CNTNAP2: variants seen among roughly 807,000 people sequenced by gnomAD.
CNTNAP2 encodes contactin-associated protein-like 2.
CNTNAP2 carries 98 observed loss-of-function variants against 155.2 expected under a neutral mutation model. The observed-to-expected ratio is 0.63, with a 90% confidence interval of 0.54 to 0.75. The LOEUF (loss-of-function observed/expected upper bound fraction) is 0.75. Among genes scored for constraint, CNTNAP2 ranks in the 30% least tolerant of loss-of-function variants. The probability of loss-of-function intolerance (pLI) is 0.00; values close to 1 mark genes in which losing one functional copy is unlikely to be tolerated. For synonymous variants in CNTNAP2, 651 were observed against 631.2 expected (o/e 1.03, Z -0.47); for missense variants, 1,727 against 1,688.1 (o/e 1.02, Z -0.40).
rs113137217 is a variant in CNTNAP2, at chr7:147,905,159, G to A, written c.2255+1438G>A. On this transcript the variant is annotated intron_variant, in intron 14 of 23. Coordinates refer to ENST00000361727, the MANE Select transcript of CNTNAP2 (RefSeq NM_014141.6). Reference sequence around the variant, plus strand: ...CCTGACTCACATTCTTGTTCTTGATGCCTTTTATTACTAGTTGTGTGTTCT... The same window carrying A: ...CCTGACTCACATTCTTGTTCTTGATACCTTTTATTACTAGTTGTGTGTTCT... Among the ~76,000 whole-genome samples, 327 of 152,304 alleles carry A rather than the reference G, an allele frequency of 2.1e-3. 1 individual carries two copies. Among genetic ancestry groups the A allele is most frequent in the African/African-American group, 7.6e-3 (315 of 41,566 alleles).
At chr7:147,315,484 T>C (rs950713432) in intron 9 of CNTNAP2, among the ~76,000 whole-genome samples, 2 of 138,830 alleles carry the variant, frequency 1.4e-5, no homozygotes, top group Non-Finnish European at 3.3e-5. Context: ...TGGACTTTTT[T>C]TTTTTTTTTT....
At chr7:146,132,862 G>A (rs1429143544) in intron 1 of CNTNAP2, among the ~76,000 whole-genome samples, 28 of 148,524 alleles carry the variant, frequency 1.9e-4, no homozygotes, top group Non-Finnish European at 2.5e-4. Context: ...GAATAATGCC[G>A]CAATAAACAT....
At chr7:147,972,826 C>T (rs1418007841) in intron 14 of CNTNAP2, among the ~76,000 whole-genome samples, 2 of 151,934 alleles carry the variant, frequency 1.3e-5, no homozygotes, top group Non-Finnish European at 2.9e-5. Context: ...GTTTTGCTTG[C>T]AAAAAGATTC....
chr7:147,183,810 G>A (rs1343022380), intron 8 of CNTNAP2, among the ~76,000 whole-genome samples: 1 of 152,134 alleles, frequency 6.6e-6, no homozygotes, highest in Non-Finnish European at 1.5e-5. Context: ...GGAGGGGAAT[G>A]CTACCTCTGC....
chr7:146,834,645 A>G (rs1483318197), intron 2 of CNTNAP2, among the ~76,000 whole-genome samples: 1 of 152,118 alleles, frequency 6.6e-6, no homozygotes, highest in Admixed American at 6.5e-5. Flanking sequence ...TCAACAATAC[A>G]CTAGTTATTT....
intron 13 of CNTNAP2, among the ~76,000 whole-genome samples, chr7:147,729,703 T>C (rs192747471): frequency 6.6e-6 from 1 of 152,210 alleles, no homozygotes; most frequent in East Asian, 1.9e-4. Flanking sequence ...AGATGGATTG[T>C]AGAAAATCAT....
chr7:146,316,538 T>TA (rs1276428611), intron 1 of CNTNAP2, among the ~76,000 whole-genome samples: 2 of 152,014 alleles, frequency 1.3e-5, no homozygotes, highest in East Asian at 1.9e-4. Context: ...CCGGGGGTGA[T>TA]AAAAAATTAC....
chr7:148,046,353 G>GTAGTTTATATCCATATATAAACTACATA (rs1243433630), intron 15 of CNTNAP2, among the ~76,000 whole-genome samples: 9 of 152,084 alleles, frequency 5.9e-5, no homozygotes, highest in East Asian at 1.9e-4. Context: ...TGTATAACAT[G>GTAGTTTATATCCATATATAAACTACATA]TAGTTTATAT....
intron 9 of CNTNAP2, among the ~76,000 whole-genome samples, chr7:147,376,892 A>G (rs73475207): frequency 0.034 from 5,189 of 152,090 alleles, 115 homozygotes; most frequent in South Asian, 0.045. Context: ...TAAGATTGGT[A>G]TATGATTGTA....
chr7:146,676,177 A>T (rs2129168992), intron 1 of CNTNAP2, among the ~76,000 whole-genome samples: 1 of 152,290 alleles, frequency 6.6e-6, no homozygotes, highest in Non-Finnish European at 1.5e-5. Flanking sequence ...TTTGTTTATG[A>T]TATACATGTT....
At chr7:148,093,168 A>G (rs867774335) in intron 15 of CNTNAP2, among the ~76,000 whole-genome samples, 1 of 150,030 alleles carries the variant, frequency 6.7e-6, no homozygotes, top group Non-Finnish European at 1.5e-5. Flanking sequence ...TCCCAAATAG[A>G]TATATCTGAG....
chr7:147,914,936 C>T (rs535102096), intron 14 of CNTNAP2, among the ~76,000 whole-genome samples: 14 of 152,264 alleles, frequency 9.2e-5, no homozygotes, highest in Non-Finnish European at 1.6e-4. Context: ...ACAATTACAA[C>T]GCAATAGATT....
intron 18 of CNTNAP2, among the ~76,000 whole-genome samples, chr7:148,196,795 T>C (rs4454212): frequency 0.79 from 120,670 of 152,036 alleles, 48,093 homozygotes; most frequent in Non-Finnish European, 0.83. Flanking sequence ...GAGCCTCTTT[T>C]GGGCAGCAGG....
chr7:148,024,223 T>C (rs1046570535), intron 15 of CNTNAP2, among the ~76,000 whole-genome samples: 5 of 147,382 alleles, frequency 3.4e-5, no homozygotes, highest in East Asian at 4.0e-4. Context: ...GCTGGCTAGA[T>C]ACAGAATGAA....
At chr7:146,565,674 C>G (rs1584984017) in intron 1 of CNTNAP2, among the ~76,000 whole-genome samples, 1 of 152,194 alleles carries the variant, frequency 6.6e-6, no homozygotes, top group African/African-American at 2.4e-5. Flanking sequence ...CAAAAAACAT[C>G]CCTTCGAAAT....
At chr7:147,653,617 C>T (rs1279429515) in intron 13 of CNTNAP2, among the ~76,000 whole-genome samples, 2 of 152,046 alleles carry the variant, frequency 1.3e-5, no homozygotes. Flanking sequence ...AGGGGAGGAA[C>T]CACGCTGAGG....
At chr7:146,994,825 A>G (rs1179436546) in intron 3 of CNTNAP2, among the ~76,000 whole-genome samples, 1 of 152,062 alleles carries the variant, frequency 6.6e-6, no homozygotes. Context: ...GAACAAATAC[A>G]TTACTTCACA....
chr7:147,017,882 T>A (rs564328899), intron 3 of CNTNAP2, among the ~76,000 whole-genome samples: 2 of 152,186 alleles, frequency 1.3e-5, no homozygotes, highest in South Asian at 4.1e-4. Context: ...GTTACTTCAA[T>A]TAGATACAAA....
intron 3 of CNTNAP2, among the ~76,000 whole-genome samples, chr7:147,000,112 G>A (rs746658401): frequency 3.3e-5 from 5 of 151,564 alleles, no homozygotes; most frequent in Non-Finnish European, 4.4e-5. Flanking sequence ...TTGTGTATCA[G>A]TTTAGAGAAT....
Sources: allele counts gnomAD v4.1 joint callset (sites outside exome capture counted in the v4.1 genomes callset), GRCh38; gene constraint gnomAD v4.1.1; transcripts MANE v1.5; gene names NCBI Gene and HGNC (gene_info 2026-07-23, HGNC 2026-07-21).